Variants in RET observed in about 807,000 individuals in gnomAD.
The protein encoded by RET is ret proto-oncogene.
RET carries 19 observed loss-of-function variants against 118.3 expected under a neutral mutation model. That is an observed-to-expected ratio of 0.16 (90% CI 0.11 to 0.24). RET has a LOEUF of 0.24. Ranked by LOEUF, RET falls within the 10% of genes least tolerant of loss-of-function variation. RET has a pLI of 1.00. For missense variants in RET, 1,219 were observed against 1,502.1 expected, an observed-to-expected ratio of 0.81 and a Z score of 3.12; for synonymous variants, 597 against 644.1, an observed-to-expected ratio of 0.93 and a Z score of 1.11.
At chr10:43,082,989 C>T (rs1459068417) in intron 1 of RET, among the ~76,000 whole-genome samples, 1 of 152,172 alleles carries the variant, frequency 6.6e-6, no homozygotes, top group African/African-American at 2.4e-5. Flanking sequence ...CAGGGGCTTC[C>T]TCTTGCTCTG....
intron 19 of RET, chr10:43,127,172 C>A: frequency 9.1e-7 from 1 of 1,098,566 alleles, no homozygotes; most frequent in Admixed American, 4.7e-5. Flanking sequence ...CCCCAGACCC[C>A]TCCTGGGCAG....
In RET at chr10:43,123,660, A is replaced by T. The variant is rs1220802134; in HGVS notation, c.2802-11A>T. The T allele has an allele frequency of 2.5e-6, 4 of 1,613,420 alleles. No homozygotes were observed. In the African/African-American group the frequency reaches 5.4e-5, roughly 22 times the overall value. ...GGTGGAGCCACTCACTGGTCCTTTCACTCTCTGCAGATGGTCTTTTGGTGT... is the reference window on the plus strand; with the variant it reads ...GGTGGAGCCACTCACTGGTCCTTTCTCTCTCTGCAGATGGTCTTTTGGTGT... On this transcript the variant is annotated splice_polypyrimidine_tract_variant and intron_variant, in intron 16 of 19. Coordinates refer to ENST00000355710, the MANE Select transcript of RET (RefSeq NM_020975.6).
chr10:43,083,950 G>A (rs1837239219), intron 1 of RET, among the ~76,000 whole-genome samples: 1 of 152,142 alleles, frequency 6.6e-6, no homozygotes, highest in African/African-American at 2.4e-5. Context: ...CCTGTCCCCG[G>A]GCAACCCCCA....
chr10:43,129,062 C>G lies in RET; in HGVS notation c.*793C>G. 4.3e-6 allele frequency: 1 copy of G among 234,222 alleles called. No homozygotes were observed. Among genetic ancestry groups the G allele is most frequent in the Non-Finnish European group, 8.4e-6 (1 of 118,622 alleles). 14.5% of individuals were successfully genotyped at this position (234,222 alleles called of 1,614,324 possible). On this transcript the variant is annotated 3_prime_UTR_variant, in exon 20 of 20. Coordinates refer to ENST00000355710, the MANE Select transcript of RET (RefSeq NM_020975.6). ...TCACGTGTTCGGTACTGAGCAGCCA[C>G]TACCCCTGATGAGAACAGTATGAAG...
chr10:43,121,935 C>A lies in RET; in HGVS notation c.2731-11C>A, dbSNP rs566489997. On this transcript the variant is annotated splice_polypyrimidine_tract_variant and intron_variant, in intron 15 of 19. Transcript: ENST00000355710. ...AGTAACTTCAATGTCTTTATTCCAT[C>A]TTCTCTTTAGGGTCGGATTCCAGTT... 4 of 1,606,328 alleles carry A rather than the reference C, an allele frequency of 2.5e-6. No individual in the cohort carries two copies. The highest frequency in any genetic ancestry group is 2.2e-5 in the South Asian group (2 of 90,926).
chr10:43,126,890 C>T, intron 19 of RET, 168 bp downstream of exon 19: 1 of 1,444,626 alleles, frequency 6.9e-7, no homozygotes, highest in South Asian at 1.5e-5. Flanking sequence ...TACATTTAGG[C>T]ATTATTGCAA....
chr10:43,096,836 A>G (rs970274608), intron 1 of RET, among the ~76,000 whole-genome samples: 1 of 152,202 alleles, frequency 6.6e-6, no homozygotes, highest in African/African-American at 2.4e-5. Context: ...GCCCACTGGG[A>G]CTGCCCAGGC....
At position 43,105,024 on chromosome 10, in the gene RET, A is replaced by T. The variant is rs1318202673; in HGVS notation, c.698A>T (p.Gln233Leu). 1.2e-6 allele frequency: 2 copies of T among 1,602,356 alleles called. No homozygotes were observed. The highest frequency in any genetic ancestry group is 3.4e-5 in the Admixed American group (2 of 59,482). The part of the protein sequence containing the change: ...VSTRWALDRE[Q>L]REKYELVAVC... ...ACGCGCTGGGCCCTGGACCGCGAGC[A>T]GCGGGAGAAGTACGAGCTGGTGGCC... Residue 233 changes from glutamine to leucine, a missense_variant, in exon 4 of 20, where the codon CAG becomes CTG. This residue lies in a region of RET where 850 missense variants were observed against 969.6 expected (regional missense o/e 0.88). Coordinates refer to ENST00000355710, the MANE Select transcript of RET (RefSeq NM_020975.6).
Position 43,077,624 on chromosome 10 carries a change from A to G in RET, c.73+293A>G, listed in dbSNP as rs555248984. Among the ~76,000 whole-genome samples the G allele has an allele frequency of 4.6e-5, 7 of 152,122 alleles. 1 individual carries two copies. The South Asian group carries it at 6.2e-4, about 14-fold the overall frequency. ...AACCCTAGCCATAGCCGCAGGTCTC[A>G]ATCTGGCCGCGCCCTGCGCCAAAGC... On this transcript the variant is annotated intron_variant, in intron 1 of 19. Transcript: ENST00000355710.
intron 1 of RET, among the ~76,000 whole-genome samples, chr10:43,094,322 C>T (rs1837473740): frequency 6.6e-6 from 1 of 152,188 alleles, no homozygotes; most frequent in South Asian, 2.1e-4. Context: ...AAGCTGTCAT[C>T]TGCATCGTCT....
At position 43,119,686 on chromosome 10, in the gene RET, G is replaced by T. The variant is rs772862503; in HGVS notation, c.2548G>T (p.Asp850Tyr). 22 of 1,613,404 alleles carry T rather than the reference G, an allele frequency of 1.4e-5. No homozygotes were observed. Among genetic ancestry groups the T allele is most frequent in the Non-Finnish European group, 1.8e-5 (21 of 1,179,966 alleles). Residue 850 changes from aspartate to tyrosine, a missense_variant, in exon 14 of 20, where the codon GAC becomes TAC. Physicochemically the swap from Asp to Tyr is radical, Grantham distance 160 (BLOSUM62 -3). Transcript: ENST00000355710. ...HPDERALTMG[D>Y]LISFAWQISQ... ...GGATGAGCGGGCCCTCACCATGGGCGACCTCATCTCATTTGCCTGGCAGAT... is the reference window on the plus strand; with the variant it reads ...GGATGAGCGGGCCCTCACCATGGGCTACCTCATCTCATTTGCCTGGCAGAT...
At chr10:43,127,653 G>A (rs200757711) in intron 19 of RET, 10 of 312,030 alleles carry the variant, frequency 3.2e-5, no homozygotes, top group East Asian at 1.5e-4. Context: ...TTGTGCTGAC[G>A]ATGCTATGAG....
At chr10:43,099,704 C>T (rs966944542) in intron 1 of RET, among the ~76,000 whole-genome samples, 2 of 152,352 alleles carry the variant, frequency 1.3e-5, no homozygotes, top group East Asian at 3.9e-4. Context: ...GTCCACCTCC[C>T]CCACACCCCC....
In RET at chr10:43,113,536, T is replaced by C. The variant is rs766839936; in HGVS notation, c.1760-20T>C. On this transcript the variant is annotated intron_variant, in intron 9 of 19. Coordinates refer to ENST00000355710, the MANE Select transcript of RET (RefSeq NM_020975.6). The stretch of plus-strand genomic sequence containing the variant: ...TGGTCAGGCGCCCCAGGAGGCTGAG[T>C]GGGCTACGTCTGCCCTCAGGGGGCA... 23 of 1,596,108 alleles carry C rather than the reference T, an allele frequency of 1.4e-5. No homozygotes were observed. In the Admixed American group the frequency reaches 3.8e-4, roughly 26 times the overall value.
At chr10:43,118,352 C>T (rs758761904) in intron 12 of RET, 21 bp from the exon 13 acceptor site, 2 of 1,597,290 alleles carry the variant, frequency 1.3e-6, no homozygotes, top group South Asian at 1.1e-5. Flanking sequence ...CGTTTGCAAC[C>T]TGCTCTGTGC....
intron 18 of RET, among the ~76,000 whole-genome samples, chr10:43,126,325 G>T (rs1838328000): frequency 6.6e-6 from 1 of 152,208 alleles, no homozygotes; most frequent in African/African-American, 2.4e-5. Context: ...CCCCAGGGAG[G>T]TGACTTTCCA....
At chr10:43,115,475 G>T (rs763015427) in intron 11 of RET, among the ~76,000 whole-genome samples, 1 of 152,214 alleles carries the variant, frequency 6.6e-6, no homozygotes, top group African/African-American at 2.4e-5. Context: ...AGCCAAGGAG[G>T]CCTTCCCAGA....
At chr10:43,126,776 A>G (rs2056206702) in intron 19 of RET, 54 bp downstream of exon 19, 2 of 1,600,874 alleles carry the variant, frequency 1.2e-6, no homozygotes, top group Non-Finnish European at 1.7e-6. Flanking sequence ...CCTTTGCACT[A>G]TCCTTCCTCT....
At chr10:43,108,907 C>A in intron 5 of RET, 124 bp from the exon 6 acceptor site, 1 of 925,926 alleles carries the variant, frequency 1.1e-6, no homozygotes, top group Non-Finnish European at 1.7e-6. Context: ...TTGCATGGCA[C>A]TGTATGTGTG....
Sources: gnomAD v4.1 joint callset for allele counts (sites outside exome capture counted in the v4.1 genomes callset) on GRCh38, gnomAD v4.1.1 for gene constraint, gnomAD v4.1.1 regional missense constraint, MANE v1.5 for transcripts, NCBI Gene and HGNC (gene_info 2026-07-23, HGNC 2026-07-21) for gene names.